Variants in NOS2 observed in about 807,000 individuals in gnomAD.
The protein encoded by NOS2 is nitric oxide synthase, inducible.
NOS2 carries 96 observed loss-of-function variants against 136.0 expected under a neutral mutation model. That is an observed-to-expected ratio of 0.71 (90% CI 0.60 to 0.84). NOS2 has a LOEUF of 0.84. Among genes scored for constraint, NOS2 ranks in the 40% least tolerant of loss-of-function variants. The probability of loss-of-function intolerance (pLI) is 0.00; values close to 1 mark genes in which losing one functional copy is unlikely to be tolerated. For missense variants in NOS2, 1,237 were observed against 1,496.9 expected, an observed-to-expected ratio of 0.83 and a Z score of 2.87; for synonymous variants, 539 against 587.5, an observed-to-expected ratio of 0.92 and a Z score of 1.20.
In NOS2 at chr17:27,780,798, G is replaced by T; in HGVS notation, c.973C>A (p.Leu325Ile). Reference sequence around the variant, plus strand: ...TGTTCCATGGCCACCTCAAGCACAAGGTCAGGTGGGATTTCGAAGAGCTCA... The same window carrying T: ...TGTTCCATGGCCACCTCAAGCACAATGTCAGGTGGGATTTCGAAGAGCTCA... ...DPELFEIPPD[L>I]VLEVAMEHPK... The change falls in exon 9 of 27, where the codon CTT (leucine) becomes ATT (isoleucine). Residue 325 changes from leucine to isoleucine, a missense_variant. Physicochemically the swap from Leu to Ile is conservative, Grantham distance 5. Transcript: ENST00000313735. The T allele has an allele frequency of 6.2e-7, 1 of 1,614,232 alleles. No individual in the cohort carries two copies. The highest frequency in any genetic ancestry group is 8.5e-7 in the Non-Finnish European group (1 of 1,180,044).
At chr17:27,792,878 T>C (rs1909237208) in intron 2 of NOS2, among the ~76,000 whole-genome samples, 1 of 143,648 alleles carries the variant, frequency 7.0e-6, no homozygotes, top group African/African-American at 2.6e-5. Flanking sequence ...TAGTCCCAGC[T>C]ACTCAGGAGG....
rs1457127746 is a variant in NOS2, at chr17:27,762,949, T to C, written c.2649A>G (p.Leu883=). Reference sequence around the variant, plus strand: ...ACACCCGCAGGGACGGGAACTCCTCTAGCACCTCCAGGAATGTGGGGCTGT... The same window carrying C: ...ACACCCGCAGGGACGGGAACTCCTCCAGCACCTCCAGGAATGTGGGGCTGT... ...FTNSPTFLEV[L]EEFPSLRVSA... is the part of the protein sequence containing the mutation. The change falls in exon 22 of 27, where the codon CTA becomes CTG. Residue 883 remains leucine, a synonymous_variant. Coordinates refer to ENST00000313735, the MANE Select transcript of NOS2 (RefSeq NM_000625.4). 5.6e-6 allele frequency: 9 copies of C among 1,606,604 alleles called. No homozygotes were observed. Among genetic ancestry groups the C allele is most frequent in the Non-Finnish European group, 7.6e-6 (9 of 1,177,326 alleles).
chr17:27,767,024 AG>A (rs1908327007), intron 18 of NOS2, among the ~76,000 whole-genome samples: 1 of 151,604 alleles, frequency 6.6e-6, no homozygotes, highest in African/African-American at 2.4e-5. Flanking sequence ...AAAAAAAAAA[AG>A]CTCCTTGATC....
chr17:27,782,163 G>A, intron 6 of NOS2, 57 bp from the exon 7 acceptor site: 3 of 1,488,678 alleles, frequency 2.0e-6, no homozygotes, highest in Non-Finnish European at 2.8e-6. Context: ...GAGGCTTTGA[G>A]GCTGATCAGA....
At chr17:27,762,733 T>A in intron 22 of NOS2, 65 bp downstream of exon 22, 2 of 1,191,376 alleles carry the variant, frequency 1.7e-6, no homozygotes, top group East Asian at 2.6e-5. Flanking sequence ...TGAATCTGAG[T>A]TGATGAACAG....
intron 2 of NOS2, among the ~76,000 whole-genome samples, chr17:27,795,736 T>C (rs1323940023): frequency 6.6e-6 from 1 of 152,206 alleles, no homozygotes; most frequent in Admixed American, 6.5e-5. Flanking sequence ...TTGTGGATCG[T>C]TGGGAGAGTT....
In NOS2 at chr17:27,757,317, C is replaced by T. The variant is rs1907960366; in HGVS notation, c.3391G>A (p.Val1131Ile). The T allele has an allele frequency of 6.2e-7, 1 of 1,614,014 alleles. No individual in the cohort carries two copies. The highest frequency in any genetic ancestry group is 1.1e-5 in the South Asian group (1 of 91,068). The change falls in exon 27 of 27, where the codon GTA becomes ATA. Residue 1131 changes from valine to isoleucine, a missense_variant. Physicochemically the swap from Val to Ile is conservative, Grantham distance 29. Transcript: ENST00000313735. ...TCCTTCTTCGCCTCGTAAGGAAATA[C>T]AGCACCAAAGATATCTTCGTGATAG... ...KRYHEDIFGAVFPYEAKKDRV... is the reference protein window; with the variant it reads ...KRYHEDIFGAIFPYEAKKDRV...
chr17:27,765,568 G>C lies in NOS2; in HGVS notation c.2395C>G (p.Gln799Glu), dbSNP rs200708979. 30 of 1,610,996 alleles carry C rather than the reference G, an allele frequency of 1.9e-5. No individual in the cohort carries two copies. Among genetic ancestry groups the C allele is most frequent in the Non-Finnish European group, 1.9e-5 (22 of 1,179,432 alleles). Residue 799 changes from glutamine (Q) to glutamate (E), a missense_variant, in exon 20 of 27, where the codon CAG (glutamine) becomes GAG (glutamate). Physicochemically the swap from Gln to Glu is conservative, Grantham distance 29 (BLOSUM62 2). This residue lies in a region of NOS2 where 782 missense variants were observed against 909.9 expected (regional missense o/e 0.86). Coordinates refer to ENST00000313735, the MANE Select transcript of NOS2 (RefSeq NM_000625.4). Reference protein sequence around the residue: ...ERVVDGPTPHQTVRLEALDES... With the variant: ...ERVVDGPTPHETVRLEALDES... ...TCCAGGGCCTCCAGGCGCACTGTCT[G>C]GTGGGGTGTGGGGCCATCCACCACT...
intron 22 of NOS2, among the ~76,000 whole-genome samples, chr17:27,762,143 C>T (rs1330936311): frequency 2.7e-5 from 4 of 150,546 alleles, no homozygotes; most frequent in Admixed American, 6.6e-5. Flanking sequence ...GCAGCGTCAC[C>T]CCCTGCTCTG....
intron 11 of NOS2, 72 bp downstream of exon 11, chr17:27,778,618 C>A: frequency 8.3e-7 from 1 of 1,207,406 alleles, no homozygotes; most frequent in South Asian, 1.2e-5. Context: ...ATAAATTAAG[C>A]ATCACATAAG....
In NOS2 at chr17:27,770,905, C is replaced by T; in HGVS notation, c.1809+8G>A. ...CCCCCTAGACCAGCCAGACCTCAAG[C>T]CACCCACCTCTCCATTGCCAGGGCA... is the stretch of plus-strand genomic sequence containing the variant. On this transcript the variant is annotated splice_region_variant and intron_variant, in intron 15 of 26. Coordinates refer to ENST00000313735, the MANE Select transcript of NOS2 (RefSeq NM_000625.4). The T allele has an allele frequency of 1.2e-6, 2 of 1,610,438 alleles. No homozygotes were observed. Among genetic ancestry groups the T allele is most frequent in the Non-Finnish European group, 1.7e-6 (2 of 1,176,952 alleles).
Position 27,770,993 on chromosome 17 carries a change from G to T in NOS2, c.1729C>A (p.Leu577Met). 1 of 1,614,018 alleles carries T rather than the reference G, an allele frequency of 6.2e-7. No homozygotes were observed. Among genetic ancestry groups the T allele is most frequent in the Non-Finnish European group, 8.5e-7 (1 of 1,179,960 alleles). Residue 577 changes from leucine to methionine, a missense_variant, in exon 15 of 27, where the codon CTG becomes ATG. By Grantham distance (15) the Leu-to-Met change is conservative. Coordinates refer to ENST00000313735, the MANE Select transcript of NOS2 (RefSeq NM_000625.4). ...PKVVCMDKYR[L>M]SCLEEERLLL... Reference sequence around the variant, plus strand: ...AGCCGTTCCTCCTCCAGGCAGCTCAGCCTGTACTTATCCATGCAGACAACC... The same window carrying T: ...AGCCGTTCCTCCTCCAGGCAGCTCATCCTGTACTTATCCATGCAGACAACC...
chr17:27,758,830 A>T, intron 26 of NOS2, 51 bp downstream of exon 26: 1 of 1,314,516 alleles, frequency 7.6e-7, no homozygotes, highest in Non-Finnish European at 1.0e-6. Context: ...CCTGGCTCCA[A>T]CGGCCTGTGC....
chr17:27,798,970 A>T (rs1261037293), intron 1 of NOS2, 88 bp from the exon 2 acceptor site: 2 of 609,482 alleles, frequency 3.3e-6, no homozygotes, highest in East Asian at 5.5e-5. Flanking sequence ...TGGGGAATCG[A>T]TATGAACGCC....
intron 2 of NOS2, among the ~76,000 whole-genome samples, chr17:27,798,482 G>A (rs185375478): frequency 3.5e-4 from 52 of 149,170 alleles, no homozygotes; most frequent in African/African-American, 5.7e-4. Context: ...GGCCAGCCCC[G>A]CACCATGTCC....
chr17:27,788,196 G>GCGCACACA (rs1555540675), intron 4 of NOS2, among the ~76,000 whole-genome samples: 39 of 149,750 alleles, frequency 2.6e-4, no homozygotes, highest in Admixed American at 8.7e-4. Flanking sequence ...GCACACGCGT[G>GCGCACACA]CACACACACA....
intron 2 of NOS2, 145 bp from the exon 3 acceptor site, chr17:27,789,833 A>G: frequency 1.7e-6 from 1 of 605,612 alleles, no homozygotes; most frequent in Admixed American, 2.5e-5. Context: ...GGTCTGACCA[A>G]CTGCCTCCCC....
intron 7 of NOS2, 58 bp from the exon 8 acceptor site, chr17:27,781,235 C>T (rs1908838407): frequency 6.5e-7 from 1 of 1,539,956 alleles, no homozygotes; most frequent in Admixed American, 1.8e-5. Flanking sequence ...GCCCAGCCAT[C>T]CTGCACTGGC....
At chr17:27,776,605 G>A (rs761440832) in intron 11 of NOS2, among the ~76,000 whole-genome samples, 8 of 149,382 alleles carry the variant, frequency 5.4e-5, no homozygotes, top group South Asian at 4.3e-4. Context: ...CCCAGGAGGC[G>A]GAGGTTGCAG....
Sources: gnomAD v4.1 joint callset for allele counts (sites outside exome capture counted in the v4.1 genomes callset) on GRCh38, gnomAD v4.1.1 for gene constraint, gnomAD v4.1.1 regional missense constraint, MANE v1.5 for transcripts, NCBI Gene and HGNC (gene_info 2026-07-23, HGNC 2026-07-21) for gene names.